Variants in PRKG1 observed in about 807,000 individuals in gnomAD.
The protein encoded by PRKG1 is cGMP-dependent protein kinase 1.
A neutral mutation model predicts 88.1 loss-of-function variants in PRKG1; 35 were observed. The ratio of observed to expected loss-of-function variants is 0.40; its 90% CI spans 0.30 to 0.53. PRKG1 has a LOEUF of 0.53. Among genes scored for constraint, PRKG1 ranks in the 20% least tolerant of loss-of-function variants. The probability of loss-of-function intolerance (pLI) is 0.59; values close to 1 mark genes in which losing one functional copy is unlikely to be tolerated. For synonymous variants in PRKG1, 303 were observed against 292.5 expected, an observed-to-expected ratio of 1.04 and a Z score of -0.37; for missense variants, 540 against 839.8, an observed-to-expected ratio of 0.64 and a Z score of 4.41.
chr10:51,419,144 A>G (rs2132703256), intron 2 of PRKG1, among the ~76,000 whole-genome samples: 1 of 152,280 alleles, frequency 6.6e-6, no homozygotes, highest in East Asian at 1.9e-4. Context: ...TTATGACAGC[A>G]TTCTCACATT....
rs1475143382 is a variant in PRKG1, at chr10:51,734,885, C to T, written c.593-69700C>T. On this transcript the variant is annotated intron_variant, in intron 3 of 17. Transcript: ENST00000373980. ...AGCAGCAGCCATGGAAACATATAGG[C>T]TCATTTAAAAGAATAAGGTCCCATC... Among the ~76,000 whole-genome samples the T allele has an allele frequency of 2.0e-5, 3 of 152,124 alleles. 1 individual carries two copies. In the East Asian group the frequency reaches 5.8e-4, roughly 29 times the overall value.
intron 1 of PRKG1, among the ~76,000 whole-genome samples, chr10:51,083,386 T>G (rs1387084065): frequency 1.3e-5 from 2 of 152,212 alleles, no homozygotes; most frequent in African/African-American, 2.4e-5. Flanking sequence ...CCAGATAGTT[T>G]CTTTGGGTCC....
At chr10:51,483,145 C>T (rs535012605) in intron 3 of PRKG1, among the ~76,000 whole-genome samples, 129 of 151,964 alleles carry the variant, frequency 8.5e-4, no homozygotes, top group Admixed American at 1.7e-3. Context: ...GTCAGCCTCC[C>T]GAGTAGCTGG....
chr10:51,596,932 G>A (rs1008402175), intron 3 of PRKG1, among the ~76,000 whole-genome samples: 1 of 152,094 alleles, frequency 6.6e-6, no homozygotes, highest in Non-Finnish European at 1.5e-5. Context: ...TCTGTTTGGT[G>A]TGTATAATGT....
At chr10:51,887,707 G>A (rs1057285149) in intron 4 of PRKG1, among the ~76,000 whole-genome samples, 9 of 152,094 alleles carry the variant, frequency 5.9e-5, no homozygotes, top group East Asian at 1.9e-4. Context: ...TATACCTACC[G>A]GCATTTTGTA....
intron 5 of PRKG1, among the ~76,000 whole-genome samples, chr10:52,017,737 T>C (rs1025738560): frequency 5.3e-5 from 8 of 152,196 alleles, no homozygotes; most frequent in African/African-American, 1.2e-4. Flanking sequence ...GAGATAACCA[T>C]GTGGAGTGTG....
intron 3 of PRKG1, among the ~76,000 whole-genome samples, chr10:51,609,852 G>A (rs1260245301): frequency 2.6e-5 from 4 of 152,228 alleles, no homozygotes; most frequent in African/African-American, 9.6e-5. Context: ...TATGGTAGGG[G>A]AAGGGAGAGC....
intron 5 of PRKG1, among the ~76,000 whole-genome samples, chr10:52,034,767 T>C (rs1702446473): frequency 6.6e-6 from 1 of 151,868 alleles, no homozygotes; most frequent in African/African-American, 2.4e-5. Context: ...CAGAAGATAG[T>C]AGGGATGACA....
chr10:51,927,695 T>G (rs1013083907), intron 5 of PRKG1, among the ~76,000 whole-genome samples: 4 of 152,148 alleles, frequency 2.6e-5, no homozygotes, highest in African/African-American at 9.7e-5. Context: ...TTCCTATCTC[T>G]GCAGTGCTTT....
chr10:51,097,194 AC>A (rs955233087), intron 1 of PRKG1, among the ~76,000 whole-genome samples: 1 of 152,120 alleles, frequency 6.6e-6, no homozygotes, highest in Non-Finnish European at 1.5e-5. Context: ...TAGGAGGAAA[AC>A]ATGCAGGCTG....
intron 9 of PRKG1, among the ~76,000 whole-genome samples, chr10:52,220,242 C>T (rs1162026456): frequency 6.6e-6 from 1 of 152,028 alleles, no homozygotes; most frequent in Non-Finnish European, 1.5e-5. Context: ...TCTGGGAAAG[C>T]CAGTCACCCT....
intron 5 of PRKG1, among the ~76,000 whole-genome samples, chr10:51,940,560 C>T (rs377242203): frequency 4.1e-4 from 63 of 151,912 alleles, no homozygotes; most frequent in African/African-American, 1.5e-3. Context: ...AAAATGGGCC[C>T]TACCTCTCAT....
At chr10:51,987,447 T>C (rs1844190902) in intron 5 of PRKG1, among the ~76,000 whole-genome samples, 1 of 149,226 alleles carries the variant, frequency 6.7e-6, no homozygotes, top group Admixed American at 6.8e-5. Flanking sequence ...TGTAAAATCT[T>C]CTACTCATTA....
rs1554817009 is a variant in PRKG1, at chr10:52,204,106, A to ATTT, written c.1076+42147_1076+42149dup. ...TATTATTATTATTATTATTATTATT[A>ATTT]TTTTTTGTTTTTGAGATGGACTCTT... On this transcript the variant is annotated intron_variant, in intron 9 of 17. Coordinates refer to ENST00000373980, the MANE Select transcript of PRKG1 (RefSeq NM_006258.4). Among the ~76,000 whole-genome samples, 477 of 72,200 alleles carry ATTT rather than the reference A, an allele frequency of 6.6e-3. 3 individuals carry two copies. Among genetic ancestry groups the ATTT allele is most frequent in the African/African-American group, 0.021 (342 of 16,450 alleles). The allele number at this position is 72,200 out of a possible 152,430, so 47.4% of individuals were successfully genotyped here.
At chr10:51,404,333 G>A (rs1417991977) in intron 2 of PRKG1, among the ~76,000 whole-genome samples, 1 of 152,194 alleles carries the variant, frequency 6.6e-6, no homozygotes, top group Admixed American at 6.5e-5. Context: ...AAACTTTGTA[G>A]ATTGATAATA....
chr10:51,567,808 A>G (rs1416808927), intron 3 of PRKG1, among the ~76,000 whole-genome samples: 1 of 152,068 alleles, frequency 6.6e-6, no homozygotes, highest in Admixed American at 6.6e-5. Context: ...GCTGTTCTCA[A>G]ACTCCTGACC....
At chr10:51,802,642 A>G (rs1332087182) in intron 3 of PRKG1, among the ~76,000 whole-genome samples, 1 of 152,136 alleles carries the variant, frequency 6.6e-6, no homozygotes, top group Non-Finnish European at 1.5e-5. Flanking sequence ...AGATTATAAG[A>G]GATGAGACAG....
intron 3 of PRKG1, among the ~76,000 whole-genome samples, chr10:51,567,575 G>T (rs1001194236): frequency 6.6e-6 from 1 of 151,998 alleles, no homozygotes; most frequent in African/African-American, 2.4e-5. Flanking sequence ...GCAATTAACT[G>T]GTTATTTTTA....
intron 8 of PRKG1, among the ~76,000 whole-genome samples, chr10:52,148,657 A>G (rs1407018581): frequency 6.6e-6 from 1 of 152,178 alleles, no homozygotes; most frequent in Non-Finnish European, 1.5e-5. Flanking sequence ...ATCAGTGATC[A>G]GCACAGAGCC....
Sources: gnomAD v4.1 joint callset for allele counts (sites outside exome capture counted in the v4.1 genomes callset) on GRCh38, gnomAD v4.1.1 for gene constraint, MANE v1.5 for transcripts, NCBI Gene and HGNC (gene_info 2026-07-23, HGNC 2026-07-21) for gene names.